The following TMEM117 variants were observed in gnomAD, a reference collection of about 807,000 sequenced individuals.
TMEM117 encodes transmembrane protein 117.
TMEM117 carries 27 observed loss-of-function variants against 52.4 expected under a neutral mutation model. That is an observed-to-expected ratio of 0.51 (90% CI 0.38 to 0.71). TMEM117 has a LOEUF of 0.71. Among genes scored for constraint, TMEM117 ranks in the 30% least tolerant of loss-of-function variants. TMEM117 has a pLI of 0.00. For missense variants in TMEM117, 556 were observed against 630.5 expected (o/e 0.88, Z 1.26); for synonymous variants, 215 against 206.3 (o/e 1.04, Z -0.36).
intron 2 of TMEM117, among the ~76,000 whole-genome samples, chr12:43,861,744 G>A (rs149815552): frequency 0.023 from 3,567 of 152,298 alleles, 49 homozygotes; most frequent in Middle Eastern, 0.075. Flanking sequence ...TATTTCTAGT[G>A]TGCCTTTTAT....
intron 3 of TMEM117, among the ~76,000 whole-genome samples, chr12:44,061,272 T>C (rs1049659062): frequency 7.2e-5 from 11 of 152,248 alleles, no homozygotes; most frequent in Middle Eastern, 6.8e-3. Flanking sequence ...CAGACTGTGA[T>C]ATGAAGAAGA....
At chr12:44,171,944 G>A (rs918503856) in intron 4 of TMEM117, among the ~76,000 whole-genome samples, 1 of 152,136 alleles carries the variant, frequency 6.6e-6, no homozygotes, top group African/African-American at 2.4e-5. Flanking sequence ...AGACGGTGAA[G>A]GCATTTGCCT....
chr12:44,013,705 T>C (rs1317570530), intron 3 of TMEM117, among the ~76,000 whole-genome samples: 1 of 151,976 alleles, frequency 6.6e-6, no homozygotes, highest in Admixed American at 6.6e-5. Context: ...CGAGCCTCCA[T>C]CAGTTTATCA....
At chr12:43,806,010 G>A in the TMEM117 span, 2 of 1,525,634 alleles carry the variant, frequency 1.3e-6, no homozygotes, top group South Asian at 1.2e-5. Context: ...AATCTGCAAC[G>A]TGACGGCAGC....
intron 2 of TMEM117, among the ~76,000 whole-genome samples, chr12:43,883,954 T>G (rs148490172): frequency 9.4e-4 from 143 of 151,840 alleles, no homozygotes; most frequent in African/African-American, 3.2e-3. Context: ...CTTGGCAACA[T>G]GGCAAAACCC....
chr12:43,883,771 AAC>A (rs1238655772), intron 2 of TMEM117, among the ~76,000 whole-genome samples: 2 of 151,118 alleles, frequency 1.3e-5, no homozygotes, highest in Non-Finnish European at 2.9e-5. Context: ...CAAAAAAAAA[AAC>A]AAAAAACAAA....
chr12:44,253,086 C>T (rs973248354), intron 5 of TMEM117, among the ~76,000 whole-genome samples: 7 of 152,126 alleles, frequency 4.6e-5, no homozygotes, highest in Admixed American at 3.9e-4. Flanking sequence ...AATTTTTGGA[C>T]TGTGGTTTAA....
intron 5 of TMEM117, among the ~76,000 whole-genome samples, chr12:44,214,281 G>C (rs1949687787): frequency 6.6e-6 from 1 of 151,548 alleles, no homozygotes; most frequent in Non-Finnish European, 1.5e-5. Context: ...GAGTAGCTGG[G>C]ATTACAGGCA....
At chr12:44,124,248 A>C (rs897913607) in intron 3 of TMEM117, among the ~76,000 whole-genome samples, 2 of 152,102 alleles carry the variant, frequency 1.3e-5, no homozygotes, top group African/African-American at 4.8e-5. Context: ...TTTCACATTG[A>C]TTTTGTATCC....
chr12:44,252,582 A>G (rs879901376), intron 5 of TMEM117, among the ~76,000 whole-genome samples: 2 of 152,176 alleles, frequency 1.3e-5, no homozygotes, highest in African/African-American at 2.4e-5. Flanking sequence ...GTCTGCTCCC[A>G]ATCCCTATTA....
upstream of TMEM117, among the ~76,000 whole-genome samples, chr12:43,834,225 G>A (rs1942999201): frequency 6.6e-6 from 1 of 152,114 alleles, no homozygotes; most frequent in African/African-American, 2.4e-5. Context: ...GGAAAATATA[G>A]CATATGGAAC....
intron 2 of TMEM117, among the ~76,000 whole-genome samples, chr12:43,898,170 C>T (rs901039229): frequency 6.6e-6 from 1 of 151,960 alleles, no homozygotes; most frequent in African/African-American, 2.4e-5. Flanking sequence ...TCTTTCCCTC[C>T]AGATGAGTTT....
intron 4 of TMEM117, among the ~76,000 whole-genome samples, chr12:44,193,334 A>G (rs1949378881): frequency 6.6e-6 from 1 of 152,240 alleles, no homozygotes; most frequent in African/African-American, 2.4e-5. Context: ...ACGGATAAGT[A>G]AAACAGCAAT....
intron 3 of TMEM117, among the ~76,000 whole-genome samples, chr12:43,970,983 T>C (rs1369019090): frequency 1.3e-5 from 2 of 152,184 alleles, no homozygotes; most frequent in Admixed American, 1.3e-4. Context: ...TAGTCTAAAA[T>C]TGAACTCTTC....
At chr12:44,370,642 C>G (rs1019398182) in intron 6 of TMEM117, among the ~76,000 whole-genome samples, 2 of 151,832 alleles carry the variant, frequency 1.3e-5, no homozygotes, top group Non-Finnish European at 2.9e-5. Context: ...CTCCGCCTCC[C>G]CAGTAGCTGG....
At chr12:44,066,385 T>C (rs1309886604) in intron 3 of TMEM117, among the ~76,000 whole-genome samples, 3 of 152,224 alleles carry the variant, frequency 2.0e-5, no homozygotes, top group Admixed American at 2.0e-4. Context: ...GTTGACTTTG[T>C]GAGCCATAGT....
At chr12:43,877,995 A>T (rs1483294851) in intron 2 of TMEM117, among the ~76,000 whole-genome samples, 1 of 152,058 alleles carries the variant, frequency 6.6e-6, no homozygotes, top group Non-Finnish European at 1.5e-5. Flanking sequence ...GAAAGGATAC[A>T]CTCAAGTTCT....
intron 2 of TMEM117, among the ~76,000 whole-genome samples, chr12:43,864,751 T>G (rs1469751557): frequency 3.3e-5 from 5 of 152,042 alleles, no homozygotes; most frequent in Non-Finnish European, 7.4e-5. Flanking sequence ...AGGATGTGGG[T>G]TGGGCCAGAT....
At chr12:44,393,420 AAAAT>A (rs1358974208), downstream of TMEM117, among the ~76,000 whole-genome samples, 3 of 145,074 alleles carry the variant, frequency 2.1e-5, no homozygotes, top group African/African-American at 8.0e-5. Context: ...TTTCTATGTG[AAAAT>A]AAATATTCCA....
Sources: gnomAD v4.1 joint callset for allele counts (sites outside exome capture counted in the v4.1 genomes callset) on GRCh38, gnomAD v4.1.1 for gene constraint, MANE v1.5 for transcripts, NCBI Gene and HGNC (gene_info 2026-07-23, HGNC 2026-07-21) for gene names.